ZNF565: variants seen among roughly 807,000 people sequenced by gnomAD.
ZNF565 encodes zinc finger protein 565.
In ZNF565, 27 loss-of-function variants were observed where a neutral mutation model predicts 39.4. The ratio of observed to expected loss-of-function variants is 0.69; its 90% CI spans 0.51 to 0.95. The LOEUF (loss-of-function observed/expected upper bound fraction) is 0.95. Among genes scored for constraint, ZNF565 ranks in the 40% least tolerant of loss-of-function variants. The pLI, the probability that ZNF565 is intolerant of heterozygous loss-of-function variation, is 0.00. For missense variants in ZNF565, 524 were observed against 621.1 expected, an observed-to-expected ratio of 0.84 and a Z score of 1.66; for synonymous variants, 185 against 216.6, an observed-to-expected ratio of 0.85 and a Z score of 1.28.
At chr19:36,222,272 C>T (rs1205338798) in intron 1 of ZNF565, among the ~76,000 whole-genome samples, 1 of 151,994 alleles carries the variant, frequency 6.6e-6, no homozygotes, top group Non-Finnish European at 1.5e-5. Context: ...TTTTTTTCAG[C>T]TGCTGTATAA....
In ZNF565 at chr19:36,245,760, C is replaced by T; in HGVS notation, c.-230G>A. On this transcript the variant is annotated 5_prime_UTR_variant, in exon 1 of 5. Coordinates refer to the ZNF565 transcript ENST00000355114. This position sits in a 1 kb window ranked among gnomAD's most constrained non-coding sequence, Gnocchi z 4.4. Reference sequence around the variant, plus strand: ...CGTCCACGGTTGTCGGGGTCCCGGGCTGCTTTTCTTGGAGGGCTCGGTGCC... The same window carrying T: ...CGTCCACGGTTGTCGGGGTCCCGGGTTGCTTTTCTTGGAGGGCTCGGTGCC... 1.9e-6 allele frequency: 1 copy of T among 526,474 alleles called. No individual in the cohort carries two copies. The highest frequency in any genetic ancestry group is 3.3e-5 in the East Asian group (1 of 30,596). 32.6% of individuals were successfully genotyped at this position (526,474 alleles called of 1,614,324 possible).
upstream of ZNF565, among the ~76,000 whole-genome samples, chr19:36,217,188 G>A (rs890032175): frequency 1.3e-4 from 11 of 84,286 alleles, no homozygotes; most frequent in African/African-American, 5.7e-4. Flanking sequence ...TCAGCCTCCC[G>A]AGTAGCTGGG....
rs34943234 is a variant in ZNF565, at chr19:36,213,689, A to ATTT, written c.-66+930_-66+932dup. On this transcript the variant is annotated intron_variant, in intron 1 of 4. Coordinates refer to ENST00000304116, the MANE Select transcript of ZNF565 (RefSeq NM_152477.5). The stretch of plus-strand genomic sequence containing the variant: ...GTGTGAGCCACCGTGCCAGCCATTA[A>ATTT]TTTTTTTTTTTTTTTTTTGTACAGG... 4.5e-5 allele frequency among the ~76,000 whole-genome samples: 6 copies of ATTT among 133,286 alleles called. 1 individual carries two copies. The highest frequency in any genetic ancestry group is 1.2e-4 in the African/African-American group (4 of 34,488). 87.4% of individuals were successfully genotyped at this position (133,286 alleles called of 152,430 possible).
At chr19:36,194,858 G>C in intron 3 of ZNF565, 172 bp downstream of exon 3, 2 of 963,248 alleles carry the variant, frequency 2.1e-6, no homozygotes, top group Non-Finnish European at 3.2e-6. Flanking sequence ...AGGAGCTCTG[G>C]AAGTAGCTAC....
chr19:36,187,160 G>A (rs1210548748), intron 4 of ZNF565, among the ~76,000 whole-genome samples: 1 of 151,476 alleles, frequency 6.6e-6, no homozygotes, highest in South Asian at 2.1e-4. Context: ...ATTACACTCC[G>A]GCCTGGGAAA....
intron 2 of ZNF565, among the ~76,000 whole-genome samples, chr19:36,197,398 C>A (rs1024247452): frequency 6.7e-6 from 1 of 148,838 alleles, no homozygotes; most frequent in East Asian, 2.0e-4. Context: ...CTTGAACCCG[C>A]GAGGTGGAGG....
chr19:36,225,909 T>C (rs887844257), intron 1 of ZNF565, among the ~76,000 whole-genome samples: 2 of 151,922 alleles, frequency 1.3e-5, no homozygotes, highest in Admixed American at 1.3e-4. Context: ...TACAGGCATG[T>C]ACCACCCCAC....
At chr19:36,201,195 G>T (rs2145341770) in intron 2 of ZNF565, among the ~76,000 whole-genome samples, 1 of 152,124 alleles carries the variant, frequency 6.6e-6, no homozygotes, top group African/African-American at 2.4e-5. Context: ...CTAGCTACTT[G>T]GGAGGCTGAG....
chr19:36,215,438 G>T (rs1226083044), upstream of ZNF565, among the ~76,000 whole-genome samples: 1 of 152,140 alleles, frequency 6.6e-6, no homozygotes. Flanking sequence ...GTGTGTGATT[G>T]TGCCTAAGAG....
At chr19:36,202,083 C>G (rs765089735) in intron 1 of ZNF565, 33 bp from the exon 2 acceptor site, 1 of 1,277,146 alleles carries the variant, frequency 7.8e-7, no homozygotes, top group Non-Finnish European at 1.1e-6. Flanking sequence ...GATGGGGTAA[C>G]CTCTGATAAA....
chr19:36,188,146 G>C (rs1382814599), intron 4 of ZNF565, among the ~76,000 whole-genome samples: 4 of 151,040 alleles, frequency 2.6e-5, no homozygotes, highest in African/African-American at 9.7e-5. Context: ...CATGAGGTCA[G>C]GAGTTCGAGC....
Position 36,245,563 on chromosome 19 carries a change from CAGGGTCCACCGCGGATCT to C in ZNF565, c.-51_-34del, listed in dbSNP as rs999646641. ...GTGGCTTGCTCTGGACTACATTTCCCAGGGTCCACCGCGGATCTAGGAGGAGGCTTGAGATGCAGCCTC... is the reference window on the plus strand; with the variant it reads ...GTGGCTTGCTCTGGACTACATTTCCCAGGAGGAGGCTTGAGATGCAGCCTC... On this transcript the variant is annotated 5_prime_UTR_variant, in exon 1 of 5. Coordinates refer to the ZNF565 transcript ENST00000355114. The surrounding 1 kb of genome is among the most constrained non-coding windows in gnomAD (Gnocchi z 4.4). The C allele has an allele frequency of 1.4e-6, 1 of 702,178 alleles. No homozygotes were observed. The highest frequency in any genetic ancestry group is 1.7e-5 in the African/African-American group (1 of 57,252). The allele number at this position is 702,178 out of a possible 1,614,324, so 43.5% of individuals were successfully genotyped here. A position where few individuals can be genotyped will look rare whatever the true frequency, so the allele number is the denominator to read the frequency against.
chr19:36,183,492 C>A lies in ZNF565; in HGVS notation c.474G>T (p.Gln158His). Residue 158 changes from glutamine to histidine, a missense_variant, in exon 5 of 5, where the codon CAG becomes CAT. Transcript: ENST00000304116. ...TCAGTTTCTCACCAGTCTCCCTGCT[C>A]TGACGTACAGTGTGAGACGTGTGAT... Reference protein sequence around the residue: ...FQHHTSHTVRQSRETGEKLME... With the variant: ...FQHHTSHTVRHSRETGEKLME... The A allele has an allele frequency of 6.2e-7, 1 of 1,614,244 alleles. No individual in the cohort carries two copies. The highest frequency in any genetic ancestry group is 8.5e-7 in the Non-Finnish European group (1 of 1,180,050).
intron 1 of ZNF565, among the ~76,000 whole-genome samples, chr19:36,211,449 T>TCACACACACACA (rs370230430): frequency 1.3e-3 from 179 of 137,768 alleles, no homozygotes; most frequent in East Asian, 4.2e-3. Context: ...CAACTCTCTC[T>TCACACACACACA]CACACACACA....
intron 1 of ZNF565, chr19:36,236,159 T>C (rs1977637190): frequency 2.9e-6 from 1 of 346,350 alleles, no homozygotes; most frequent in Non-Finnish European, 5.2e-6. Context: ...GATGACAATC[T>C]CATTGAGAAG....
At chr19:36,214,166 A>G (rs1452384908) in intron 1 of ZNF565, among the ~76,000 whole-genome samples, 1 of 151,926 alleles carries the variant, frequency 6.6e-6, no homozygotes, top group Non-Finnish European at 1.5e-5. Context: ...ACAAACACAC[A>G]CACCAAGGGA....
Position 36,195,017 on chromosome 19 carries a change from A to G in ZNF565, c.136+13T>C. On this transcript the variant is annotated intron_variant, in intron 3 of 4. Transcript: ENST00000304116. The stretch of plus-strand genomic sequence containing the variant: ...TTGCTTTCCGTCTGGCCCGTGTGAT[A>G]CAATCTCCTTACCTAGTGAGGCCAA... The G allele has an allele frequency of 6.2e-7, 1 of 1,614,036 alleles. No individual in the cohort carries two copies. Among genetic ancestry groups the G allele is most frequent in the South Asian group, 1.1e-5 (1 of 91,068 alleles).
At chr19:36,228,390 AGT>A (rs1977177117) in intron 1 of ZNF565, 1 of 152,184 alleles carries the variant, frequency 6.6e-6, no homozygotes, top group South Asian at 2.1e-4. Flanking sequence ...CCTGAGTGGG[AGT>A]GTGGTGCTAG....
Position 36,245,910 on chromosome 19 carries a change from T to C in ZNF565, c.-380A>G, listed in dbSNP as rs2029896805. On this transcript the variant is annotated 5_prime_UTR_variant, in exon 1 of 5. Coordinates refer to the ZNF565 transcript ENST00000355114. This position sits in a 1 kb window ranked among gnomAD's most constrained non-coding sequence, Gnocchi z 4.4. ...ACCCGACCGGGATCGCCCCGCGAGA[T>C]GCAGTCGTTGAGGGAGTCAGGAGCC... 4.2e-6 allele frequency: 1 copy of C among 237,248 alleles called. No individual in the cohort carries two copies. Among genetic ancestry groups the C allele is most frequent in the Non-Finnish European group, 8.2e-6 (1 of 121,472 alleles). The allele number at this position is 237,248 out of a possible 1,614,324, so 14.7% of individuals were successfully genotyped here. A position where few individuals can be genotyped will look rare whatever the true frequency, so the allele number is the denominator to read the frequency against.
Sources: allele counts gnomAD v4.1 joint callset (sites outside exome capture counted in the v4.1 genomes callset), GRCh38; gene constraint gnomAD v4.1.1; non-coding constraint Gnocchi (gnomAD v3.1); transcripts MANE v1.5; gene names NCBI Gene and HGNC (gene_info 2026-07-23, HGNC 2026-07-21).